The following CFAP58 variants were observed in gnomAD, a reference collection of about 807,000 sequenced individuals.
CFAP58 encodes the protein cilia- and flagella-associated protein 58.
CFAP58 carries 88 observed loss-of-function variants against 119.5 expected under a neutral mutation model. That is an observed-to-expected ratio of 0.74 (90% CI 0.62 to 0.88). CFAP58 has a LOEUF of 0.88. Ranked by LOEUF, CFAP58 falls within the 40% of genes least tolerant of loss-of-function variation. The pLI is 0.00. For missense variants in CFAP58, 990 were observed against 1,021.2 expected (o/e 0.97, Z 0.42); for synonymous variants, 365 against 366.3 (o/e 1.00, Z 0.04).
At chr10:104,400,592 T>C (rs2133042717) in intron 12 of CFAP58, 88 bp from the exon 13 acceptor site, 4 of 1,112,634 alleles carry the variant, frequency 3.6e-6, no homozygotes, top group Non-Finnish European at 5.5e-6. Flanking sequence ...GGGCGTTCAA[T>C]AGATACTCAT....
At chr10:104,345,847 G>A in the CFAP58 span, among the ~76,000 whole-genome samples, 1 of 152,106 alleles carries the variant, frequency 6.6e-6, no homozygotes, top group Non-Finnish European at 1.5e-5. Flanking sequence ...GAGACTTTCA[G>A]GGGATAGTAG....
At chr10:104,365,149 A>G (rs1239960422) in intron 4 of CFAP58, among the ~76,000 whole-genome samples, 2 of 152,176 alleles carry the variant, frequency 1.3e-5, no homozygotes, top group Non-Finnish European at 1.5e-5. Flanking sequence ...TTCTGGCTCA[A>G]AAAGATGATC....
chr10:104,447,966 T>C (rs994069704), intron 16 of CFAP58, 149 bp downstream of exon 16: 3 of 984,728 alleles, frequency 3.0e-6, no homozygotes, highest in Non-Finnish European at 2.9e-6. Context: ...TAGTCTAGGA[T>C]GAGCCAGCAG....
At position 104,373,161 on chromosome 10, in the gene CFAP58, G is replaced by T. The variant is rs555859754; in HGVS notation, c.1090+2107G>T. ...AAGTAATAAAATATCTGTGAATAAA[G>T]TTACCAAGATATCTGCAAGATCTAT... On this transcript the variant is annotated intron_variant, in intron 7 of 17. Coordinates refer to ENST00000369704, the MANE Select transcript of CFAP58 (RefSeq NM_001008723.2). Among the ~76,000 whole-genome samples, 9 of 151,708 alleles carry T rather than the reference G, an allele frequency of 5.9e-5. No homozygotes were observed. In the South Asian group the frequency reaches 1.9e-3, roughly 32 times the overall value.
chr10:104,387,947 C>T (rs1359912752), intron 9 of CFAP58, among the ~76,000 whole-genome samples: 1 of 152,108 alleles, frequency 6.6e-6, no homozygotes, highest in Non-Finnish European at 1.5e-5. Flanking sequence ...ACAGAGATTC[C>T]AGGAAATGAA....
rs1474919189 is a variant in CFAP58 at position 104,357,888 on chromosome 10, TAAAC to T, written c.10-451_10-448del. Among the ~76,000 whole-genome samples the T allele has an allele frequency of 9.9e-4, 126 of 127,562 alleles. 8 individuals are homozygous for T. The highest frequency in any genetic ancestry group is 3.5e-3 in the African/African-American group (113 of 32,132). 83.7% of individuals were successfully genotyped at this position (127,562 alleles called of 152,430 possible). A position where few individuals can be genotyped will look rare whatever the true frequency, so the allele number is the denominator to read the frequency against. ...ATATACACATATATGTACACATATATAAACATATATGTACACATATACACACATA... is the reference window on the plus strand; with the variant it reads ...ATATACACATATATGTACACATATATATATATGTACACATATACACACATA... On this transcript the variant is annotated intron_variant, in intron 1 of 17. Transcript: ENST00000369704.
At chr10:104,357,915 A>G (rs1490602925) in intron 1 of CFAP58, among the ~76,000 whole-genome samples, 2 of 116,450 alleles carry the variant, frequency 1.7e-5, no homozygotes, top group Non-Finnish European at 3.6e-5. Flanking sequence ...ATATACACAC[A>G]TATATGTACA....
chr10:104,352,907 A>G (rs1382565757), upstream of CFAP58, among the ~76,000 whole-genome samples: 1 of 152,248 alleles, frequency 6.6e-6, no homozygotes, highest in African/African-American at 2.4e-5. Flanking sequence ...TCCAAAGTCC[A>G]GTAGCATTAT....
intron 1 of CFAP58, 102 bp from the exon 2 acceptor site, chr10:104,358,239 C>G: frequency 8.2e-7 from 1 of 1,223,366 alleles, no homozygotes; most frequent in African/African-American, 1.5e-5. Flanking sequence ...TTTAATTTTG[C>G]TCATATGGAG....
In CFAP58 at chr10:104,358,558, C is replaced by A. The variant is rs753501281; in HGVS notation, c.227C>A (p.Ala76Glu). 2 of 1,614,098 alleles carry A rather than the reference C, an allele frequency of 1.2e-6. No individual in the cohort carries two copies. The highest frequency in any genetic ancestry group is 2.2e-5 in the East Asian group (1 of 44,882). ...AATGCAGAGATTGTAGTGAATTCTG[C>A]GAAGGTCGCCACTGCCCTTAAGCTC... ...ELNAEIVVNS[A>E]KVATALKLSQ... The change falls in exon 2 of 18, where the codon GCG becomes GAG. Residue 76 changes from alanine (A) to glutamate (E), a missense_variant. Transcript: ENST00000369704.
rs1200088832 is a variant in CFAP58, at chr10:104,380,193, C to T, written c.1338C>T (p.Ile446=). ...TGGAAAAGGAGCGTGACCGGTACAT[C>T]AACCAAGCCAGTGACCTTACGCAAA... ...FHLEKERDRY[I]NQASDLTQKV... is the part of the protein sequence containing the mutation. The change falls in exon 9 of 18, where the codon ATC becomes ATT. Residue 446 remains isoleucine (I), a synonymous_variant. Coordinates refer to ENST00000369704, the MANE Select transcript of CFAP58 (RefSeq NM_001008723.2). 10 of 1,613,818 alleles carry T rather than the reference C, an allele frequency of 6.2e-6. No individual in the cohort carries two copies. Among genetic ancestry groups the T allele is most frequent in the Admixed American group, 1.7e-5 (1 of 59,976 alleles).
rs548757595 is a variant in CFAP58, at chr10:104,400,788, G to T, written c.1924G>T (p.Glu642Ter). The T allele has an allele frequency of 1.9e-6, 3 of 1,614,134 alleles. 1 individual carries two copies. The highest frequency in any genetic ancestry group is 2.2e-5 in the South Asian group (2 of 91,084). ...CCAACAGTCTGTGCTGAATAAAGGGGAGAGCCAGTACAACCAGAGGTTGGA... is the reference window on the plus strand; with the variant it reads ...CCAACAGTCTGTGCTGAATAAAGGGTAGAGCCAGTACAACCAGAGGTTGGA... Reference protein sequence around the residue: ...KIQQSVLNKGESQYNQRLEDM... With the variant: ...KIQQSVLNKG The change falls in exon 13 of 18, where the codon GAG becomes TAG. Residue 642 changes from glutamate (E) to a stop codon, truncating the protein, a stop_gained. Coordinates refer to ENST00000369704, the MANE Select transcript of CFAP58 (RefSeq NM_001008723.2). LOFTEE classifies it high-confidence loss of function.
chr10:104,425,767 A>G (rs2012734184), intron 15 of CFAP58, among the ~76,000 whole-genome samples: 1 of 152,172 alleles, frequency 6.6e-6, no homozygotes, highest in Non-Finnish European at 1.5e-5. Context: ...TCTGCAGGAC[A>G]TTAGCCGTTC....
chr10:104,402,656 G>T (rs535819350), intron 13 of CFAP58, among the ~76,000 whole-genome samples: 2 of 152,118 alleles, frequency 1.3e-5, no homozygotes, highest in African/African-American at 2.4e-5. Flanking sequence ...AGATTTTAGC[G>T]GTGTGTTTCA....
chr10:104,343,729 T>C, the CFAP58 span, among the ~76,000 whole-genome samples: 2 of 152,154 alleles, frequency 1.3e-5, no homozygotes, highest in Non-Finnish European at 2.9e-5. Context: ...TGAGTCAAGA[T>C]CCAAAGTTTG....
In CFAP58 at chr10:104,358,446, T is replaced by G. The variant is rs1187916034; in HGVS notation, c.115T>G (p.Phe39Val). ...ELSGDKSLEK[F>V]RIEYERLHAV... The stretch of plus-strand genomic sequence containing the variant: ...TTCTGGAGACAAAAGTTTGGAAAAA[T>G]TTCGGATTGAATATGAGAGGCTTCA... The change falls in exon 2 of 18, where the codon TTT becomes GTT. Residue 39 changes from phenylalanine to valine, a missense_variant. Transcript: ENST00000369704. 1.2e-6 allele frequency: 2 copies of G among 1,613,878 alleles called. No individual in the cohort carries two copies. The highest frequency in any genetic ancestry group is 1.7e-6 in the Non-Finnish European group (2 of 1,180,024).
At chr10:104,443,565 G>T (rs1192604381) in intron 15 of CFAP58, among the ~76,000 whole-genome samples, 2 of 152,258 alleles carry the variant, frequency 1.3e-5, no homozygotes, top group Non-Finnish European at 2.9e-5. Context: ...GAATAAATTA[G>T]TTCCTCTCAG....
chr10:104,454,121 T>C (rs1367249924), intron 17 of CFAP58, among the ~76,000 whole-genome samples: 2 of 152,188 alleles, frequency 1.3e-5, no homozygotes. Flanking sequence ...ACAAATGTTT[T>C]ATAAAACAGG....
chr10:104,366,043 A>G (rs2135255536), intron 5 of CFAP58, 35 bp downstream of exon 5: 2 of 1,506,090 alleles, frequency 1.3e-6, no homozygotes, highest in East Asian at 2.4e-5. Context: ...AAAAACCAAG[A>G]AAAACCCAGA....
Sources: allele counts gnomAD v4.1 joint callset (sites outside exome capture counted in the v4.1 genomes callset), GRCh38; gene constraint gnomAD v4.1.1; transcripts MANE v1.5; gene names NCBI Gene and HGNC (gene_info 2026-07-23, HGNC 2026-07-21).